Variants in SKIC3 observed in about 807,000 individuals in gnomAD.
SKIC3 encodes superkiller complex protein 3.
the SKIC3 span, among the ~76,000 whole-genome samples, chr5:95,470,758 T>C: frequency 6.7e-6 from 1 of 149,720 alleles, no homozygotes; most frequent in Admixed American, 6.6e-5. Flanking sequence ...TGTATCTATA[T>C]ATTACTTGGG....
At chr5:95,535,532 G>A in the SKIC3 span, among the ~76,000 whole-genome samples, 210 of 150,440 alleles carry the variant, frequency 1.4e-3, no homozygotes, top group African/African-American at 3.9e-3. Flanking sequence ...GGATGGTCTC[G>A]ATCTCCTGAC....
the SKIC3 span, among the ~76,000 whole-genome samples, chr5:95,507,273 A>T: frequency 6.6e-6 from 1 of 152,210 alleles, no homozygotes; most frequent in Admixed American, 6.6e-5. Flanking sequence ...AATATTCCAA[A>T]AATCTAAATA....
chr5:95,542,118 T>C, the SKIC3 span, among the ~76,000 whole-genome samples: 1 of 152,200 alleles, frequency 6.6e-6, no homozygotes. Context: ...TTGTTGAGTA[T>C]GGGTGACAGG....
the SKIC3 span, chr5:95,467,771 A>C: frequency 3.9e-6 from 6 of 1,530,424 alleles, no homozygotes; most frequent in Non-Finnish European, 4.4e-6. Context: ...AAGTGAAGTA[A>C]CTTTGAACAA....
At chr5:95,529,040 T>A in the SKIC3 span, 1 of 1,613,788 alleles carries the variant, frequency 6.2e-7, no homozygotes, top group Non-Finnish European at 8.5e-7. Flanking sequence ...GGTCTATGCA[T>A]TTTGACTTGG....
chr5:95,488,910 C>T, the SKIC3 span, among the ~76,000 whole-genome samples: 10 of 152,116 alleles, frequency 6.6e-5, no homozygotes, highest in African/African-American at 2.2e-4. Context: ...ACATCAATGA[C>T]AACCTTGAAT....
At chr5:95,541,769 A>C in the SKIC3 span, 1 of 1,374,072 alleles carries the variant, frequency 7.3e-7, no homozygotes, top group African/African-American at 1.4e-5. Context: ...AGTTTATTAA[A>C]ATTCAAGCTT....
the SKIC3 span, among the ~76,000 whole-genome samples, chr5:95,468,833 G>A: frequency 1.3e-5 from 2 of 152,132 alleles, no homozygotes; most frequent in Non-Finnish European, 2.9e-5. Flanking sequence ...GGGTGAAGGG[G>A]AGATAGTACT....
the SKIC3 span, chr5:95,467,931 C>T: frequency 1.2e-6 from 2 of 1,613,552 alleles, no homozygotes; most frequent in South Asian, 1.1e-5. Flanking sequence ...GCAGTTGATG[C>T]AATAGATTTG....
chr5:95,506,796 C>T, the SKIC3 span: 1 of 877,534 alleles, frequency 1.1e-6, no homozygotes, highest in Non-Finnish European at 1.8e-6. Context: ...AAACTGTTAA[C>T]AGAGCCTGTT....
chr5:95,525,592 C>T, the SKIC3 span: 1 of 1,614,018 alleles, frequency 6.2e-7, no homozygotes, highest in Non-Finnish European at 8.5e-7. Context: ...CCAACCTTTG[C>T]AGCTTCATCA....
chr5:95,541,234 G>A, the SKIC3 span: 5 of 1,443,398 alleles, frequency 3.5e-6, no homozygotes, highest in African/African-American at 7.0e-5. Flanking sequence ...CCAAAGTGCT[G>A]GGATTACAGG....
the SKIC3 span, among the ~76,000 whole-genome samples, chr5:95,481,032 T>C: frequency 1.3e-5 from 2 of 152,094 alleles, no homozygotes; most frequent in Non-Finnish European, 1.5e-5. Context: ...TGTATCTTGA[T>C]ATGGGAGGTG....
chr5:95,537,678 A>G, the SKIC3 span, among the ~76,000 whole-genome samples: 1 of 152,174 alleles, frequency 6.6e-6, no homozygotes, highest in Admixed American at 6.5e-5. Context: ...CACTTCTCTT[A>G]TGCAGTATTA....
chr5:95,494,603 C>T, the SKIC3 span: 1 of 1,398,860 alleles, frequency 7.1e-7, no homozygotes, highest in East Asian at 2.3e-5. Flanking sequence ...ATATTGTGTG[C>T]AAGATTTTTC....
the SKIC3 span, among the ~76,000 whole-genome samples, chr5:95,509,209 C>T: frequency 1.3e-5 from 2 of 151,968 alleles, no homozygotes; most frequent in Non-Finnish European, 1.5e-5. Flanking sequence ...AAAAGATAAC[C>T]GATAAACAAT....
the SKIC3 span, among the ~76,000 whole-genome samples, chr5:95,466,751 T>G: frequency 6.6e-6 from 1 of 152,204 alleles, no homozygotes; most frequent in South Asian, 2.1e-4. Context: ...ACCTTCAACT[T>G]CTTTAGAGTC....
the SKIC3 span, among the ~76,000 whole-genome samples, chr5:95,477,261 G>A: frequency 6.6e-6 from 1 of 152,008 alleles, no homozygotes; most frequent in Admixed American, 6.6e-5. Context: ...CTATGCACAA[G>A]GCAGACTGAC....
chr5:95,528,928 T>A, the SKIC3 span: 1 of 1,289,588 alleles, frequency 7.8e-7, no homozygotes, highest in South Asian at 1.2e-5. Context: ...AAAATCACTA[T>A]CTTTGTCCTT....
Sources: gnomAD v4.1 joint callset for allele counts (sites outside exome capture counted in the v4.1 genomes callset) on GRCh38, gnomAD v4.1.1 for gene constraint, MANE v1.5 for transcripts, NCBI Gene and HGNC (gene_info 2026-07-23, HGNC 2026-07-21) for gene names.